The following RSRC1 variants were observed in gnomAD, a reference collection of about 807,000 sequenced individuals.
The protein encoded by RSRC1 is arginine and serine rich coiled-coil 1, also known as serine/Arginine-related protein 53.
In RSRC1, 39 loss-of-function variants were observed where a neutral mutation model predicts 49.1. The ratio of observed to expected loss-of-function variants is 0.79; its 90% CI spans 0.61 to 1.04. The LOEUF is 1.04. Among genes scored for constraint, RSRC1 ranks in the 50% least tolerant of loss-of-function variants. The probability of loss-of-function intolerance (pLI) is 0.00; values close to 1 mark genes in which losing one functional copy is unlikely to be tolerated. For synonymous variants in RSRC1, 143 were observed against 130.8 expected, an observed-to-expected ratio of 1.09 and a Z score of -0.63; for missense variants, 388 against 402.4, an observed-to-expected ratio of 0.96 and a Z score of 0.31.
chr3:158,429,636 A>G (rs879920632), intron 6 of RSRC1, among the ~76,000 whole-genome samples: 3,265 of 148,012 alleles, frequency 0.022, no homozygotes, highest in Middle Eastern at 0.028. Flanking sequence ...GCATATATGT[A>G]TATGCTTAAG....
chr3:158,466,695 C>G (rs982084838), intron 7 of RSRC1, among the ~76,000 whole-genome samples: 1 of 152,190 alleles, frequency 6.6e-6, no homozygotes, highest in African/African-American at 2.4e-5. Flanking sequence ...CTTAACCTCT[C>G]TGCGACTCTA....
At chr3:158,339,028 C>T (rs1447490446) in intron 5 of RSRC1, among the ~76,000 whole-genome samples, 5 of 151,394 alleles carry the variant, frequency 3.3e-5, no homozygotes, top group South Asian at 2.1e-4. Context: ...CGCGGTGGCT[C>T]ACGCCTGTAA....
intron 3 of RSRC1, among the ~76,000 whole-genome samples, chr3:158,201,509 G>T (rs1352116363): frequency 6.6e-6 from 1 of 152,026 alleles, no homozygotes; most frequent in African/African-American, 2.4e-5. Context: ...TTTGAATCTT[G>T]TCACACAGAT....
chr3:158,453,729 C>A (rs1737173136), intron 6 of RSRC1, among the ~76,000 whole-genome samples: 1 of 151,932 alleles, frequency 6.6e-6, no homozygotes, highest in African/African-American at 2.4e-5. Flanking sequence ...CTTCTTAATT[C>A]CCCGCAGAAA....
In RSRC1 at chr3:158,316,049, G is replaced by A. The variant is rs1728418993; in HGVS notation, c.531+17974G>A. ...TAGCTGGGCGTGGTGGCATGCACCTGTAATCCCAGCTACTGGGGAGGCTGA... is the reference window on the plus strand; with the variant it reads ...TAGCTGGGCGTGGTGGCATGCACCTATAATCCCAGCTACTGGGGAGGCTGA... On this transcript the variant is annotated intron_variant, in intron 5 of 9. Coordinates refer to ENST00000611884, the MANE Select transcript of RSRC1 (RefSeq NM_001271838.2). 2.0e-5 allele frequency among the ~76,000 whole-genome samples: 3 copies of A among 152,042 alleles called. 1 individual carries two copies. In the South Asian group the frequency reaches 6.2e-4, roughly 32 times the overall value.
At chr3:158,348,375 A>G (rs148900539) in intron 5 of RSRC1, among the ~76,000 whole-genome samples, 60 of 152,300 alleles carry the variant, frequency 3.9e-4, no homozygotes, top group African/African-American at 1.2e-3. Context: ...GGGTGGCTCA[A>G]AGGATTATGC....
chr3:158,173,157 T>A (rs1480258315), intron 3 of RSRC1, among the ~76,000 whole-genome samples: 2 of 151,928 alleles, frequency 1.3e-5, no homozygotes, highest in Non-Finnish European at 2.9e-5. Context: ...TAAGACGAGT[T>A]TAACCTTGTT....
At chr3:158,513,951 G>A (rs530395378) in intron 7 of RSRC1, among the ~76,000 whole-genome samples, 4 of 152,220 alleles carry the variant, frequency 2.6e-5, no homozygotes, top group African/African-American at 7.2e-5. Context: ...ATTTCTGTGG[G>A]ATCGGTGGTG....
intron 5 of RSRC1, among the ~76,000 whole-genome samples, chr3:158,315,890 G>A (rs1224997704): frequency 6.6e-6 from 1 of 152,050 alleles, no homozygotes; most frequent in Non-Finnish European, 1.5e-5. Context: ...GCTGAAAATA[G>A]GCCAGGCATG....
chr3:158,342,480 C>T (rs963730943), intron 5 of RSRC1, among the ~76,000 whole-genome samples: 8 of 152,146 alleles, frequency 5.3e-5, no homozygotes, highest in African/African-American at 1.9e-4. Context: ...TAAGAAGTGC[C>T]TTTCACTTCC....
In RSRC1 at chr3:158,122,249, A is replaced by C. The variant is rs556346533; in HGVS notation, c.145A>C (p.Arg49=). 1.2e-6 allele frequency: 2 copies of C among 1,603,360 alleles called. No homozygotes were observed. Among genetic ancestry groups the C allele is most frequent in the South Asian group, 2.2e-5 (2 of 89,990 alleles). ...AGGAAGGAAATCAAGATCAAAGTCAAGATCTTGGTCCAGAGATCTTCAGCC... is the reference window on the plus strand; with the variant it reads ...AGGAAGGAAATCAAGATCAAAGTCACGATCTTGGTCCAGAGATCTTCAGCC... ...KGGRKSRSKS[R]SWSRDLQPRS... The change falls in exon 2 of 10, where the codon AGA becomes CGA. Residue 49 remains arginine, a synonymous_variant. Coordinates refer to ENST00000611884, the MANE Select transcript of RSRC1 (RefSeq NM_001271838.2).
chr3:158,442,353 A>G (rs534230563), intron 6 of RSRC1, among the ~76,000 whole-genome samples: 1 of 152,286 alleles, frequency 6.6e-6, no homozygotes, highest in Admixed American at 6.5e-5. Context: ...TGCTTTATCA[A>G]CTAAGTTTTT....
chr3:158,532,574 A>C (rs566406342), intron 7 of RSRC1, among the ~76,000 whole-genome samples: 2 of 151,852 alleles, frequency 1.3e-5, no homozygotes, highest in Non-Finnish European at 2.9e-5. Flanking sequence ...AACTAATACA[A>C]TTTTTTAAAA....
intron 3 of RSRC1, among the ~76,000 whole-genome samples, chr3:158,173,682 T>TA (rs1467899309): frequency 6.6e-6 from 1 of 151,996 alleles, no homozygotes; most frequent in Non-Finnish European, 1.5e-5. Flanking sequence ...CAGCATTATT[T>TA]ATAATAGCCT....
Position 158,543,347 on chromosome 3 carries a change from A to G in RSRC1, c.772A>G (p.Ser258Gly), listed in dbSNP as rs200564778. The change falls in exon 9 of 10, where the codon AGT becomes GGT. Residue 258 changes from serine to glycine, a missense_variant. Physicochemically the swap from Ser to Gly is moderately conservative, Grantham distance 56. Coordinates refer to ENST00000611884, the MANE Select transcript of RSRC1 (RefSeq NM_001271838.2). Reference sequence around the variant, plus strand: ...TTGTTTCTTTCAGTCAGTGGAACCTAGTGAAGTGAAACAAGCAACTTCAAC... The same window carrying G: ...TTGTTTCTTTCAGTCAGTGGAACCTGGTGAAGTGAAACAAGCAACTTCAAC... The part of the protein sequence containing the change: ...SKEVKKSVEP[S>G]EVKQATSTSG... 1.9e-6 allele frequency: 3 copies of G among 1,582,098 alleles called. No homozygotes were observed. The highest frequency in any genetic ancestry group is 4.6e-5 in the East Asian group (2 of 43,386).
intron 5 of RSRC1, among the ~76,000 whole-genome samples, chr3:158,343,797 A>G (rs570139692): frequency 7.9e-5 from 12 of 152,336 alleles, no homozygotes; most frequent in Admixed American, 6.5e-4. Flanking sequence ...AAGGCTTAGA[A>G]GAGCATTTGT....
chr3:158,534,826 G>C (rs1340082130), intron 7 of RSRC1, among the ~76,000 whole-genome samples: 1 of 151,278 alleles, frequency 6.6e-6, no homozygotes, highest in Non-Finnish European at 1.5e-5. Flanking sequence ...GAAATATTAA[G>C]TGAAAAAGGT....
intron 7 of RSRC1, among the ~76,000 whole-genome samples, chr3:158,525,304 T>C (rs1314725058): frequency 6.6e-6 from 1 of 151,880 alleles, no homozygotes; most frequent in Admixed American, 6.6e-5. Flanking sequence ...ATGAAGAAAA[T>C]GCTGAATATC....
chr3:158,436,939 G>A (rs1239420577), intron 6 of RSRC1, among the ~76,000 whole-genome samples: 1 of 151,946 alleles, frequency 6.6e-6, no homozygotes, highest in East Asian at 1.9e-4. Flanking sequence ...CTCATAGCTA[G>A]TAATGGATAG....
Sources: gnomAD v4.1 joint callset for allele counts (sites outside exome capture counted in the v4.1 genomes callset) on GRCh38, gnomAD v4.1.1 for gene constraint, MANE v1.5 for transcripts, NCBI Gene and HGNC (gene_info 2026-07-23, HGNC 2026-07-21) for gene names.